Variants in PDPR observed in about 807,000 individuals in gnomAD.
PDPR encodes pyruvate dehydrogenase phosphatase regulatory subunit.
Under a neutral mutation model 102.2 loss-of-function variants are expected in PDPR, and 50 were observed. That is an observed-to-expected ratio of 0.49 (90% CI 0.39 to 0.62). The LOEUF is 0.62. Ranked by LOEUF, PDPR falls within the 20% of genes least tolerant of loss-of-function variation. The probability of loss-of-function intolerance (pLI) is 0.00; values close to 1 mark genes in which losing one functional copy is unlikely to be tolerated. For synonymous variants in PDPR, 259 were observed against 406.0 expected, an observed-to-expected ratio of 0.64 and a Z score of 4.35; for missense variants, 625 against 1,098.2, an observed-to-expected ratio of 0.57 and a Z score of 6.09.
At chr16:70,150,063 A>G (rs1234275243) in intron 17 of PDPR, among the ~76,000 whole-genome samples, 1 of 149,744 alleles carries the variant, frequency 6.7e-6, no homozygotes, top group Non-Finnish European at 1.5e-5. Flanking sequence ...TGCTGGGATT[A>G]GAAGCGTGAG....
chr16:70,162,873 A>G (rs1269081536), downstream of PDPR, among the ~76,000 whole-genome samples: 1 of 152,278 alleles, frequency 6.6e-6, no homozygotes, highest in Non-Finnish European at 1.5e-5. Flanking sequence ...CCCTGTGGAA[A>G]CAACCCTGAG....
intron 3 of PDPR, among the ~76,000 whole-genome samples, chr16:70,125,575 G>GTATATATATATATATA (rs60529473): frequency 2.2e-4 from 30 of 136,090 alleles, no homozygotes; most frequent in African/African-American, 8.2e-4. Flanking sequence ...AAAAAAAAAA[G>GTATATATATATATATA]TATATATATA....
chr16:70,116,731 G>A (rs949828897), intron 2 of PDPR, among the ~76,000 whole-genome samples: 11 of 152,116 alleles, frequency 7.2e-5, no homozygotes, highest in Non-Finnish European at 1.2e-4. Flanking sequence ...TGGTAGAGAC[G>A]GGGTTTCACC....
intron 2 of PDPR, 144 bp from the exon 3 acceptor site, chr16:70,120,317 T>G: frequency 1.7e-6 from 1 of 586,926 alleles, no homozygotes; most frequent in East Asian, 2.9e-5. Context: ...CCCAGAGTGC[T>G]GGGATTACAG....
intron 3 of PDPR, among the ~76,000 whole-genome samples, chr16:70,125,410 T>C (rs1467790664): frequency 6.6e-6 from 1 of 151,200 alleles, no homozygotes; most frequent in Non-Finnish European, 1.5e-5. Flanking sequence ...AAAAATTAGC[T>C]GGGCATGGTG....
intron 18 of PDPR, among the ~76,000 whole-genome samples, chr16:70,155,407 G>C (rs959157108): frequency 2.0e-5 from 3 of 152,168 alleles, no homozygotes; most frequent in African/African-American, 7.2e-5. Flanking sequence ...TCAGTCTCCC[G>C]AGTAGCTGTA....
intron 15 of PDPR, 78 bp from the exon 16 acceptor site, chr16:70,146,056 C>T: frequency 6.3e-7 from 1 of 1,581,772 alleles, no homozygotes; most frequent in East Asian, 2.3e-5. Flanking sequence ...TATAGCTGAG[C>T]AAGTCTACAG....
chr16:70,121,679 G>A (rs369742010), intron 3 of PDPR, among the ~76,000 whole-genome samples: 16,543 of 135,824 alleles, frequency 0.12, 1 homozygote, highest in African/African-American at 0.13. Context: ...GTGACAGAGC[G>A]AGACTGTCTC....
At chr16:70,119,545 A>G (rs1164251146) in intron 2 of PDPR, among the ~76,000 whole-genome samples, 2 of 148,908 alleles carry the variant, frequency 1.3e-5, no homozygotes, top group African/African-American at 5.1e-5. Context: ...CGTGTCGTGT[A>G]CATGCCGGCC....
In PDPR at chr16:70,130,469, A is replaced by G. The variant is rs1427949502; in HGVS notation, c.654A>G (p.Lys218=). 3 of 1,613,924 alleles carry G rather than the reference A, an allele frequency of 1.9e-6. No homozygotes were observed. Among genetic ancestry groups the G allele is most frequent in the South Asian group, 1.1e-5 (1 of 91,066 alleles). The change falls in exon 7 of 19, where the codon AAA becomes AAG. Residue 218 remains lysine (K), a synonymous_variant. Transcript: ENST00000288050. Reference sequence around the variant, plus strand: ...CATCTGTTCTTCATGTAATGGTCAAAAAAGGTCAAGTTACTGGAGTGGAGA... The same window carrying G: ...CATCTGTTCTTCATGTAATGGTCAAGAAAGGTCAAGTTACTGGAGTGGAGA... ...DRTSVLHVMV[K]KGQVTGVETD... is the part of the protein sequence containing the mutation.
chr16:70,150,333 A>G (rs1377201271), intron 17 of PDPR, among the ~76,000 whole-genome samples: 4 of 147,756 alleles, frequency 2.7e-5, no homozygotes, highest in Non-Finnish European at 5.9e-5. Context: ...CGAACTCCTG[A>G]CCTTAGGTGA....
At chr16:70,149,400 G>C (rs1966521426) in intron 17 of PDPR, among the ~76,000 whole-genome samples, 2 of 152,156 alleles carry the variant, frequency 1.3e-5, no homozygotes, top group Non-Finnish European at 2.9e-5. Context: ...CGAGTAGCTG[G>C]GATTACAGGT....
chr16:70,153,465 TC>T lies in PDPR; in HGVS notation c.2128del (p.Leu710PhefsTer17), dbSNP rs1415989111. 1 of 1,613,794 alleles carries T rather than the reference TC, an allele frequency of 6.2e-7. No homozygotes were observed. The highest frequency in any genetic ancestry group is 1.1e-5 in the South Asian group (1 of 90,994). ...GAATCCGGAATGCTGGGTATTACGC[TC>T]TTCGCAGTCTCCGAATTGAGAAGTT... The part of the protein sequence containing the change: ...YGIRNAGYYA[L>X]RSLRIEKFFA... On this transcript the variant is annotated frameshift_variant, in exon 18 of 19. Coordinates refer to ENST00000288050, the MANE Select transcript of PDPR (RefSeq NM_017990.5). LOFTEE classifies it high-confidence loss of function.
At chr16:70,120,124 T>A (rs2152059744) in intron 2 of PDPR, 1 of 231,552 alleles carries the variant, frequency 4.3e-6, no homozygotes, top group South Asian at 5.7e-5. Flanking sequence ...ACCATGTTGG[T>A]AAGACTGGTC....
At chr16:70,155,142 A>G (rs1966989072) in intron 18 of PDPR, among the ~76,000 whole-genome samples, 1 of 152,110 alleles carries the variant, frequency 6.6e-6, no homozygotes, top group African/African-American at 2.4e-5. Context: ...CAGTGAGCCG[A>G]GATCATACCA....
At chr16:70,132,346 A>T in intron 9 of PDPR, 46 bp downstream of exon 9, 2 of 1,555,536 alleles carry the variant, frequency 1.3e-6, no homozygotes, top group South Asian at 2.3e-5. Flanking sequence ...TTTGTTTAAG[A>T]TGTTATATTT....
chr16:70,129,795 G>A (rs147103698), intron 6 of PDPR, among the ~76,000 whole-genome samples: 284 of 152,260 alleles, frequency 1.9e-3, no homozygotes, highest in African/African-American at 6.4e-3. Flanking sequence ...TAGCGTCCAG[G>A]GTATCATATC....
chr16:70,145,601 A>G (rs1449469589), intron 15 of PDPR: 2 of 360,358 alleles, frequency 5.6e-6, no homozygotes, highest in African/African-American at 4.3e-5. Context: ...AGTAGCAAAT[A>G]TGATATACGT....
chr16:70,140,618 G>C (rs192629602), intron 11 of PDPR, among the ~76,000 whole-genome samples: 7 of 152,194 alleles, frequency 4.6e-5, no homozygotes, highest in Admixed American at 4.6e-4. Flanking sequence ...CAGGAGGTCT[G>C]GCCTGACCAA....
Sources: allele counts gnomAD v4.1 joint callset (sites outside exome capture counted in the v4.1 genomes callset), GRCh38; gene constraint gnomAD v4.1.1; transcripts MANE v1.5; gene names NCBI Gene and HGNC (gene_info 2026-07-23, HGNC 2026-07-21).